Variants in TYRO3 observed in about 807,000 individuals in gnomAD.
TYRO3 encodes TYRO3 protein tyrosine kinase, also known as tyrosine-protein kinase receptor TYRO3.
TYRO3 carries 38 observed loss-of-function variants against 95.2 expected under a neutral mutation model. The ratio of observed to expected loss-of-function variants is 0.40; its 90% CI spans 0.31 to 0.52. The LOEUF is 0.52. Among genes scored for constraint, TYRO3 ranks in the 20% least tolerant of loss-of-function variants. The pLI is 0.56. For synonymous variants in TYRO3, 367 were observed against 432.9 expected, an observed-to-expected ratio of 0.85 and a Z score of 1.89; for missense variants, 812 against 1,116.4, an observed-to-expected ratio of 0.73 and a Z score of 3.89.
chr15:41,573,110 A>C lies in TYRO3; in HGVS notation c.1984A>C (p.Met662Leu), dbSNP rs758817180. 1 of 1,613,228 alleles carries C rather than the reference A, an allele frequency of 6.2e-7. No homozygotes were observed. Among genetic ancestry groups the C allele is most frequent in the East Asian group, 2.2e-5 (1 of 44,794 alleles). The change falls in exon 16 of 19, where the codon ATG becomes CTG. Residue 662 changes from methionine (M) to leucine (L), a missense_variant and splice_region_variant. By Grantham distance (15) the Met-to-Leu change is conservative. Coordinates refer to ENST00000263798, the MANE Select transcript of TYRO3 (RefSeq NM_006293.4). ...CCGAGACCTGGCTGCTCGGAATTGC[A>C]TGTACGAATTCTGGAGGACTCGAGG... is the stretch of plus-strand genomic sequence containing the variant. The part of the protein sequence containing the change: ...IHRDLAARNC[M>L]LAEDMTVCVA...
intron 18 of TYRO3, among the ~76,000 whole-genome samples, chr15:41,577,171 A>G (rs2055870129): frequency 6.6e-6 from 1 of 152,170 alleles, no homozygotes; most frequent in Non-Finnish European, 1.5e-5. Flanking sequence ...GTTGTGAGAA[A>G]TAATAAGCTA....
chr15:41,572,947 C>T, intron 15 of TYRO3, 55 bp from the exon 16 acceptor site: 4 of 1,234,896 alleles, frequency 3.2e-6, no homozygotes, highest in Non-Finnish European at 4.5e-6. Context: ...CCCCATCCAT[C>T]CTGCCCCAGC....
At chr15:41,570,805 C>T in intron 12 of TYRO3, 106 bp downstream of exon 12, 1 of 1,137,238 alleles carries the variant, frequency 8.8e-7, no homozygotes, top group Non-Finnish European at 1.3e-6. Context: ...TTGCCGTAAA[C>T]AAGATATGCT....
At chr15:41,570,997 G>A (rs376174987) in intron 12 of TYRO3, 41 bp from the exon 13 acceptor site, 42 of 1,593,722 alleles carry the variant, frequency 2.6e-5, no homozygotes, top group Non-Finnish European at 3.5e-5. Flanking sequence ...GCAGGGAGCA[G>A]AGAGCCAAGG....
chr15:41,576,990 A>C (rs543188152), intron 18 of TYRO3, among the ~76,000 whole-genome samples: 43 of 152,176 alleles, frequency 2.8e-4, no homozygotes, highest in Admixed American at 7.8e-4. Flanking sequence ...CTGAGTAGGT[A>C]CTGCCCACTC....
chr15:41,572,389 C>T, intron 14 of TYRO3, 54 bp from the exon 15 acceptor site: 1 of 1,552,320 alleles, frequency 6.4e-7, no homozygotes, highest in Non-Finnish European at 8.8e-7. Flanking sequence ...ATGCAGACAC[C>T]TGAACTGCCC....
In TYRO3 at chr15:41,583,321, A is replaced by T. The variant is rs1296460262; in HGVS notation, c.*5045A>T. The T allele has an allele frequency of 6.6e-6, 1 of 152,088 alleles. No homozygotes were observed. The highest frequency in any genetic ancestry group is 6.6e-5 in the Admixed American group (1 of 15,262). The allele number at this position is 152,088 out of a possible 1,614,324, so 9.4% of individuals were successfully genotyped here. A position where few individuals can be genotyped will look rare whatever the true frequency, so the allele number is the denominator to read the frequency against. On this transcript the variant is annotated 3_prime_UTR_variant, in exon 19 of 19. Coordinates refer to ENST00000263798, the MANE Select transcript of TYRO3 (RefSeq NM_006293.4). ...CAGTTTTTAAGTGTTGTAGAGATGG[A>T]GTCTTGCTTTGTTGCCCAGGCTGGT...
intron 18 of TYRO3, among the ~76,000 whole-genome samples, chr15:41,575,795 T>C (rs867137290): frequency 2.4e-4 from 37 of 152,132 alleles, no homozygotes; most frequent in Admixed American, 8.5e-4. Context: ...TCAGGGAATT[T>C]ATAAGGTTCC....
In TYRO3 at chr15:41,574,627, T is replaced by C. The variant is rs75164305; in HGVS notation, c.2282+812T>C. 1,272 of 456,070 alleles carry C rather than the reference T, an allele frequency of 2.8e-3. 12 individuals are homozygous for C. The highest frequency in any genetic ancestry group is 0.02 in the African/African-American group (980 of 50,196). The allele number at this position is 456,070 out of a possible 1,614,324, so 28.3% of individuals were successfully genotyped here. A position where few individuals can be genotyped will look rare whatever the true frequency, so the allele number is the denominator to read the frequency against. ...TAGAATATATACTCTTAACTCTTTA[T>C]GACAACAACTGTGATTTGTCTGTTC... is the stretch of plus-strand genomic sequence containing the variant. On this transcript the variant is annotated intron_variant, in intron 18 of 18. Transcript: ENST00000263798.
In TYRO3 at chr15:41,569,981, C is replaced by G. The variant is rs541367189; in HGVS notation, c.1253-46C>G. The G allele has an allele frequency of 3.1e-6, 5 of 1,593,410 alleles. No individual in the cohort carries two copies. The East Asian group carries it at 1.1e-4, about 36-fold the overall frequency. The stretch of plus-strand genomic sequence containing the variant: ...CATCCTGGGAAAGTTCTGAAGGGAC[C>G]TCATGGTGTCATCCTAGCTCATGCC... On this transcript the variant is annotated intron_variant, in intron 9 of 18. Coordinates refer to ENST00000263798, the MANE Select transcript of TYRO3 (RefSeq NM_006293.4).
intron 4 of TYRO3, among the ~76,000 whole-genome samples, chr15:41,563,708 C>A (rs1329595644): frequency 6.6e-6 from 1 of 152,322 alleles, no homozygotes; most frequent in East Asian, 1.9e-4. Flanking sequence ...AGCTAAAGAA[C>A]TGAGTATAAC....
rs779016353 is a variant in TYRO3 at position 41,573,653 on chromosome 15, C to T, written c.2146-26C>T. The T allele has an allele frequency of 5.0e-6, 7 of 1,397,252 alleles. No homozygotes were observed. The African/African-American group carries it at 1.0e-4, about 21-fold the overall frequency. The allele number at this position is 1,397,252 out of a possible 1,614,324, so 86.6% of individuals were successfully genotyped here. A position where few individuals can be genotyped will look rare whatever the true frequency, so the allele number is the denominator to read the frequency against. On this transcript the variant is annotated intron_variant, in intron 17 of 18. Transcript: ENST00000263798. ...GGCTCAGGACACCTAGTGACAGCTT[C>T]TCCCCCAACCTCGATTCTGTCCCAG...
chr15:41,567,043 A>G (rs1222240988), intron 6 of TYRO3, among the ~76,000 whole-genome samples: 1 of 152,148 alleles, frequency 6.6e-6, no homozygotes, highest in East Asian at 1.9e-4. Flanking sequence ...TTTCGTACCA[A>G]GTACAAAAGG....
At chr15:41,563,464 A>G (rs536227558) in intron 4 of TYRO3, among the ~76,000 whole-genome samples, 3 of 152,256 alleles carry the variant, frequency 2.0e-5, no homozygotes, top group South Asian at 2.1e-4. Context: ...TTCTCCAGCA[A>G]TTTGAATCTT....
In TYRO3 at chr15:41,582,292, A is replaced by C. The variant is rs900805756; in HGVS notation, c.*4016A>C. 6.6e-6 allele frequency: 1 copy of C among 152,206 alleles called. No individual in the cohort carries two copies. The highest frequency in any genetic ancestry group is 3.1e-3 in the Middle Eastern group (1 of 320). The allele number at this position is 152,206 out of a possible 1,614,324, so 9.4% of individuals were successfully genotyped here. On this transcript the variant is annotated 3_prime_UTR_variant, in exon 19 of 19. Coordinates refer to ENST00000263798, the MANE Select transcript of TYRO3 (RefSeq NM_006293.4). The stretch of plus-strand genomic sequence containing the variant: ...CGCTTTGGGAGGCCGAGGCGGGCGG[A>C]TCACAAGGTCAGGAGTTTGAGACCA...
Position 41,579,109 on chromosome 15 carries a change from C to A in TYRO3, c.*833C>A. On this transcript the variant is annotated 3_prime_UTR_variant, in exon 19 of 19. Transcript: ENST00000263798. ...AAGGCAGCTGTGTCTGAGCCCAACC[C>A]TTCTAAACGGTGACCTTTAGTGCCA... The A allele has an allele frequency of 6.6e-6, 1 of 152,596 alleles. No individual in the cohort carries two copies. Among genetic ancestry groups the A allele is most frequent in the Non-Finnish European group, 1.5e-5 (1 of 68,238 alleles). The allele number at this position is 152,596 out of a possible 1,614,324, so 9.5% of individuals were successfully genotyped here. A position where few individuals can be genotyped will look rare whatever the true frequency, so the allele number is the denominator to read the frequency against.
At chr15:41,562,179 G>A (rs2140817739) in intron 3 of TYRO3, 3 of 190,456 alleles carry the variant, frequency 1.6e-5, no homozygotes, top group South Asian at 1.3e-4. Flanking sequence ...TGCCTAAGGG[G>A]GCAGCATGGA....
chr15:41,578,125 G>C lies in TYRO3; in HGVS notation c.2522G>C (p.Gly841Ala). ...AGDGSGMGAV[G>A]GTPSDCRYIL... The stretch of plus-strand genomic sequence containing the variant: ...GATGGCAGTGGCATGGGGGCAGTGG[G>C]TGGCACTCCCAGTGACTGTCGGTAC... The change falls in exon 19 of 19, where the codon GGT (glycine) becomes GCT (alanine). Residue 841 changes from glycine (G) to alanine (A), a missense_variant. Transcript: ENST00000263798. 2 of 1,613,932 alleles carry C rather than the reference G, an allele frequency of 1.2e-6. No individual in the cohort carries two copies. Among genetic ancestry groups the C allele is most frequent in the Non-Finnish European group, 1.7e-6 (2 of 1,180,022 alleles).
At position 41,563,907 on chromosome 15, in the gene TYRO3, T is replaced by C. The variant is rs551282595; in HGVS notation, c.581-277T>C. Among the ~76,000 whole-genome samples, 9 of 152,232 alleles carry C rather than the reference T, an allele frequency of 5.9e-5. No homozygotes were observed. The East Asian group carries it at 1.7e-3, about 29-fold the overall frequency. On this transcript the variant is annotated intron_variant, in intron 4 of 18. Transcript: ENST00000263798. ...ATGGGATGGAGGTGGGAGGGTGGTA[T>C]AACGTTTCTCAAGGGCTTATTTAGC...
Sources: allele counts gnomAD v4.1 joint callset (sites outside exome capture counted in the v4.1 genomes callset), GRCh38; gene constraint gnomAD v4.1.1; transcripts MANE v1.5; gene names NCBI Gene and HGNC (gene_info 2026-07-23, HGNC 2026-07-21).